The following CPEB4 variants were observed in gnomAD, a reference collection of about 807,000 sequenced individuals.
CPEB4 encodes the protein cytoplasmic polyadenylation element-binding protein 4.
A neutral mutation model predicts 72.5 loss-of-function variants in CPEB4; 12 were observed. The ratio of observed to expected loss-of-function variants is 0.17; its 90% CI spans 0.11 to 0.27. The LOEUF (loss-of-function observed/expected upper bound fraction) is 0.27. Ranked by LOEUF, CPEB4 falls within the 10% of genes least tolerant of loss-of-function variation. The probability of loss-of-function intolerance (pLI) is 1.00; values close to 1 mark genes in which losing one functional copy is unlikely to be tolerated. For missense variants in CPEB4, 614 were observed against 908.5 expected (o/e 0.68, Z 4.17); for synonymous variants, 302 against 326.3 (o/e 0.93, Z 0.80).
intron 1 of CPEB4, among the ~76,000 whole-genome samples, chr5:173,906,069 C>G (rs913484971): frequency 6.6e-6 from 1 of 152,172 alleles, no homozygotes; most frequent in Non-Finnish European, 1.5e-5. Flanking sequence ...AACAAGGTTT[C>G]TATTTTACAG....
intron 4 of CPEB4, 85 bp from the exon 5 acceptor site, chr5:173,944,882 A>G: frequency 8.7e-7 from 1 of 1,155,656 alleles, no homozygotes; most frequent in Non-Finnish European, 1.3e-6. Flanking sequence ...GTTTTATTGA[A>G]TCTGCTGTTT....
chr5:173,925,383 G>C (rs1372458169), intron 2 of CPEB4, among the ~76,000 whole-genome samples: 1 of 152,154 alleles, frequency 6.6e-6, no homozygotes, highest in Non-Finnish European at 1.5e-5. Context: ...TTCCTTCTTT[G>C]TGATTTTGCA....
intron 3 of CPEB4, among the ~76,000 whole-genome samples, chr5:173,939,546 C>T (rs1429350498): frequency 2.6e-5 from 4 of 152,222 alleles, no homozygotes; most frequent in East Asian, 1.9e-4. Flanking sequence ...CCTGACAAGT[C>T]TTTCTGTACC....
chr5:173,917,179 A>G (rs1053097692), intron 2 of CPEB4, among the ~76,000 whole-genome samples: 2 of 152,326 alleles, frequency 1.3e-5, no homozygotes, highest in Non-Finnish European at 2.9e-5. Context: ...TTTGGGAATA[A>G]ATAATTTTTT....
At chr5:173,895,554 T>C (rs908714086) in intron 1 of CPEB4, among the ~76,000 whole-genome samples, 2 of 152,216 alleles carry the variant, frequency 1.3e-5, no homozygotes, top group Admixed American at 1.3e-4. Flanking sequence ...CTAAAAGTCA[T>C]GGTGGATTAT....
intron 5 of CPEB4, among the ~76,000 whole-genome samples, chr5:173,946,867 A>G (rs1336289334): frequency 6.6e-6 from 1 of 152,076 alleles, no homozygotes; most frequent in East Asian, 1.9e-4. Flanking sequence ...CACAAACTAA[A>G]CTTACTCTGC....
At chr5:173,954,748 G>A (rs1758324338) in intron 9 of CPEB4, among the ~76,000 whole-genome samples, 1 of 152,120 alleles carries the variant, frequency 6.6e-6, no homozygotes, top group East Asian at 1.9e-4. Flanking sequence ...TTTCAGAGCT[G>A]TGGGATTGGT....
At chr5:173,932,004 C>T (rs376778972) in intron 2 of CPEB4, among the ~76,000 whole-genome samples, 1 of 152,110 alleles carries the variant, frequency 6.6e-6, no homozygotes, top group Non-Finnish European at 1.5e-5. Flanking sequence ...GAATATTTCC[C>T]CAAACCTGAA....
intron 3 of CPEB4, among the ~76,000 whole-genome samples, chr5:173,941,446 G>T (rs1463121650): frequency 6.6e-6 from 1 of 152,098 alleles, no homozygotes; most frequent in East Asian, 1.9e-4. Context: ...AATGTATTTT[G>T]GTTTGAGATA....
intron 1 of CPEB4, among the ~76,000 whole-genome samples, chr5:173,892,890 T>TATAA (rs1176426668): frequency 6.6e-6 from 1 of 152,120 alleles, no homozygotes; most frequent in Non-Finnish European, 1.5e-5. Flanking sequence ...ACTGCTGTCT[T>TATAA]TTATATTGAT....
rs946786164 is a variant in CPEB4, at chr5:173,894,407, G to A, written c.1125+3549G>A. 2.6e-5 allele frequency among the ~76,000 whole-genome samples: 4 copies of A among 152,122 alleles called. No homozygotes were observed. The South Asian group carries it at 8.3e-4, about 32-fold the overall frequency. ...AGGCTGAAGTGGGCGGATCACTTGA[G>A]GTCAAGAGTTCAAGACCAGCTTGGC... is the stretch of plus-strand genomic sequence containing the variant. On this transcript the variant is annotated intron_variant, in intron 1 of 9. Coordinates refer to ENST00000265085, the MANE Select transcript of CPEB4 (RefSeq NM_030627.4).
rs1006940586 is a variant in CPEB4 at position 173,960,064 on chromosome 5, T to G, written c.*3927T>G. The G allele has an allele frequency of 1.3e-4, 20 of 152,698 alleles. No homozygotes were observed. The highest frequency in any genetic ancestry group is 1.5e-5 in the Non-Finnish European group (1 of 68,012). The allele number at this position is 152,698 out of a possible 1,614,324, so 9.5% of individuals were successfully genotyped here. On this transcript the variant is annotated 3_prime_UTR_variant, in exon 10 of 10. Coordinates refer to ENST00000265085, the MANE Select transcript of CPEB4 (RefSeq NM_030627.4). Reference sequence around the variant, plus strand: ...TGTATGGGGAGGTTGTAGTATTTATTATAGCATTTTAAATAAGGGTAATTC... The same window carrying G: ...TGTATGGGGAGGTTGTAGTATTTATGATAGCATTTTAAATAAGGGTAATTC...
rs1561600326 is a variant in CPEB4, at chr5:173,889,999, A to G, written c.266A>G (p.Asp89Gly). The G allele has an allele frequency of 1.2e-6, 2 of 1,614,202 alleles. No individual in the cohort carries two copies. The highest frequency in any genetic ancestry group is 2.2e-5 in the East Asian group (1 of 44,888). Residue 89 changes from aspartate (D) to glycine (G), a missense_variant, in exon 1 of 10, where the codon GAC becomes GGC. Around this residue, in one of 5 missense-constraint regions of CPEB4, gnomAD observed 458 missense variants for 548.6 expected, o/e 0.83. Coordinates refer to ENST00000265085, the MANE Select transcript of CPEB4 (RefSeq NM_030627.4). ...KAKSQQQEQQDPLEKQQLSPS... is the reference protein window; with the variant it reads ...KAKSQQQEQQGPLEKQQLSPS... ...AAAAGTCAGCAACAGGAACAGCAAGACCCCTTAGAAAAGCAGCAGCTTTCC... is the reference window on the plus strand; with the variant it reads ...AAAAGTCAGCAACAGGAACAGCAAGGCCCCTTAGAAAAGCAGCAGCTTTCC...
chr5:173,891,916 AAAT>A (rs61190531), intron 1 of CPEB4, among the ~76,000 whole-genome samples: 2,119 of 152,208 alleles, frequency 0.014, 55 homozygotes, highest in African/African-American at 0.047. Context: ...TGAATATGAG[AAAT>A]ATATAATAAC....
intron 1 of CPEB4, among the ~76,000 whole-genome samples, chr5:173,903,592 C>T (rs181612508): frequency 6.6e-5 from 10 of 152,068 alleles, no homozygotes; most frequent in Admixed American, 2.6e-4. Flanking sequence ...GTGATTCTGA[C>T]GTACTCTCAA....
At chr5:173,948,771 C>T (rs1232283228) in intron 5 of CPEB4, among the ~76,000 whole-genome samples, 1 of 152,110 alleles carries the variant, frequency 6.6e-6, no homozygotes, top group Admixed American at 6.6e-5. Context: ...GGGCCTGCTT[C>T]CTAATAGATA....
At position 173,903,338 on chromosome 5, in the gene CPEB4, C is replaced by G. The variant is rs528418556; in HGVS notation, c.1126-7185C>G. Among the ~76,000 whole-genome samples the G allele has an allele frequency of 3.3e-5, 5 of 152,248 alleles. No individual in the cohort carries two copies. In the East Asian group the frequency reaches 5.8e-4, roughly 18 times the overall value. ...TTCATAAGGAAATCATACAGTAGTT[C>G]CTGTAGAATATTTAAGCTGGACTGC... On this transcript the variant is annotated intron_variant, in intron 1 of 9. Transcript: ENST00000265085.
intron 2 of CPEB4, among the ~76,000 whole-genome samples, chr5:173,921,959 C>T (rs1298975648): frequency 6.6e-6 from 1 of 152,164 alleles, no homozygotes; most frequent in African/African-American, 2.4e-5. Context: ...CAGATCCTTA[C>T]GGTAACCTGT....
chr5:173,952,248 A>G (rs1412472587), intron 8 of CPEB4, among the ~76,000 whole-genome samples: 1 of 152,214 alleles, frequency 6.6e-6, no homozygotes, highest in Non-Finnish European at 1.5e-5. Flanking sequence ...AGTGCAAAGT[A>G]CTTAGTCTAG....
Sources: allele counts gnomAD v4.1 joint callset (sites outside exome capture counted in the v4.1 genomes callset), GRCh38; gene constraint gnomAD v4.1.1; regional missense constraint gnomAD v4.1.1; transcripts MANE v1.5; gene names NCBI Gene and HGNC (gene_info 2026-07-23, HGNC 2026-07-21).